The following CEP290 variants were observed in gnomAD, a reference collection of about 807,000 sequenced individuals.
CEP290 encodes the protein centrosomal protein of 290 kDa.
Under a neutral mutation model 344.9 loss-of-function variants are expected in CEP290, and 317 were observed. That is an observed-to-expected ratio of 0.92 (90% CI 0.84 to 1.01). CEP290 has a LOEUF of 1.01. Ranked by LOEUF, CEP290 falls within the 50% of genes least tolerant of loss-of-function variation. The pLI, the probability that CEP290 is intolerant of heterozygous loss-of-function variation, is 0.00. For missense variants in CEP290, 2,754 were observed against 2,761.4 expected (o/e 1.00, Z 0.06); for synonymous variants, 932 against 895.8 (o/e 1.04, Z -0.72).
rs1374014119 is a variant in CEP290, at chr12:88,049,300, C to A, written c.7324G>T (p.Glu2442Ter). 1.3e-6 allele frequency: 2 copies of A among 1,588,894 alleles called. No individual in the cohort carries two copies. The highest frequency in any genetic ancestry group is 8.6e-7 in the Non-Finnish European group (1 of 1,159,176). ...TCTGAAAGTTTTTTTACCTTCTCTTCTAAGAGAATATTCTTCTTCACTTCT... is the reference window on the plus strand; with the variant it reads ...TCTGAAAGTTTTTTTACCTTCTCTTATAAGAGAATATTCTTCTTCACTTCT... ...KEEVKKNILL[E>*]EKVKKLSEQL... Residue 2442 changes from glutamate (E) to a stop codon, truncating the protein, a stop_gained, in exon 54 of 54, where the codon GAA becomes TAA. Transcript: ENST00000552810. LOFTEE classifies it high-confidence loss of function.
At position 88,109,134 on chromosome 12, in the gene CEP290, A is replaced by G; in HGVS notation, c.2415T>C (p.Leu805=). The change falls in exon 23 of 54, where the codon CTT becomes CTC. Residue 805 remains leucine (L), a synonymous_variant. Transcript: ENST00000552810. The part of the protein sequence containing the change: ...EKKLKNLEDS[L]EDYNRKFAVI... ...CAGCAAATTTTCTGTTGTAATCTTC[A>G]AGAGAATCTTCTAAATTCTTTAACT... The G allele has an allele frequency of 6.8e-7, 1 of 1,465,538 alleles. No homozygotes were observed. The allele number at this position is 1,465,538 out of a possible 1,614,324, so 90.8% of individuals were successfully genotyped here. A position where few individuals can be genotyped will look rare whatever the true frequency, so the allele number is the denominator to read the frequency against.
chr12:88,097,749 T>C (rs138352938), intron 26 of CEP290, among the ~76,000 whole-genome samples: 2 of 152,132 alleles, frequency 1.3e-5, no homozygotes, highest in East Asian at 3.9e-4. Context: ...TGTACATTCA[T>C]TTTGGCCAAA....
Position 88,114,457 on chromosome 12 carries a change from G to A in CEP290, c.2015C>T (p.Thr672Ile), listed in dbSNP as rs1478321639. 1 of 1,547,016 alleles carries A rather than the reference G, an allele frequency of 6.5e-7. No homozygotes were observed. Among genetic ancestry groups the A allele is most frequent in the Non-Finnish European group, 8.7e-7 (1 of 1,145,288 alleles). ...TTCAAGGCTAGGGATAATTAGAGAT[G>A]TTTCTCCTCCTTTAACATCAGGATC... Reference protein sequence around the residue: ...QKDPDVKGGETSLIIPSLERL... With the variant: ...QKDPDVKGGEISLIIPSLERL... The change falls in exon 20 of 54, where the codon ACA becomes ATA. Residue 672 changes from threonine to isoleucine, a missense_variant. Thr to Ile is a moderately conservative substitution (Grantham distance 89). Coordinates refer to ENST00000552810, the MANE Select transcript of CEP290 (RefSeq NM_025114.4).
At position 88,070,323 on chromosome 12, in the gene CEP290, C is replaced by G. The variant is rs369426456; in HGVS notation, c.6011+971G>C. Among the ~76,000 whole-genome samples, 12 of 152,254 alleles carry G rather than the reference C, an allele frequency of 7.9e-5. No homozygotes were observed. The South Asian group carries it at 1.5e-3, about 18-fold the overall frequency. On this transcript the variant is annotated intron_variant, in intron 43 of 53. Transcript: ENST00000552810. The stretch of plus-strand genomic sequence containing the variant: ...TGATGAATTTACCTTTTCTTTTATT[C>G]TGTTACTGCCTGCCCTGAAGACAAC...
chr12:88,106,786 G>T lies in CEP290; in HGVS notation c.2706C>A (p.Thr902=). The T allele has an allele frequency of 6.2e-7, 1 of 1,609,738 alleles. No homozygotes were observed. Among genetic ancestry groups the T allele is most frequent in the African/African-American group, 1.3e-5 (1 of 74,904 alleles). ...NEKSLIRQYT[T]LVELERQLRK... ...TAAGTTGTCGCTCCAATTCTACTAA[G>T]GTTGTATATTGCCTTATAAGTGATT... Residue 902 remains threonine, a synonymous_variant, in exon 25 of 54, where the codon ACC becomes ACA. Transcript: ENST00000552810.
At chr12:88,074,882 T>G (rs1347435411) in intron 41 of CEP290, among the ~76,000 whole-genome samples, 1 of 152,194 alleles carries the variant, frequency 6.6e-6, no homozygotes, top group East Asian at 1.9e-4. Flanking sequence ...TCCACACCCC[T>G]TCCCCCATAT....
At chr12:88,115,549 A>G (rs2038988363) in intron 18 of CEP290, 2 of 1,291,748 alleles carry the variant, frequency 1.5e-6, no homozygotes, top group African/African-American at 3.0e-5. Flanking sequence ...TTGATCAAGA[A>G]TTCCTGTGCT....
At chr12:88,109,549 A>G (rs2038531166) in intron 22 of CEP290, among the ~76,000 whole-genome samples, 1 of 152,180 alleles carries the variant, frequency 6.6e-6, no homozygotes, top group African/African-American at 2.4e-5. Flanking sequence ...TGAAATTGAA[A>G]TTTAAATAAC....
At chr12:88,073,762 T>C (rs1226736096) in intron 41 of CEP290, among the ~76,000 whole-genome samples, 3 of 152,054 alleles carry the variant, frequency 2.0e-5, no homozygotes, top group Middle Eastern at 3.4e-3. Flanking sequence ...TAAGACGTCA[T>C]CTCAAAAAAT....
At chr12:88,060,648 A>G (rs2034406662) in intron 47 of CEP290, among the ~76,000 whole-genome samples, 182 bp downstream of exon 47, 1 of 152,096 alleles carries the variant, frequency 6.6e-6, no homozygotes, top group Non-Finnish European at 1.5e-5. Flanking sequence ...AACAAGAAAG[A>G]TCAGGTAGAC....
At chr12:88,120,939 G>T in intron 14 of CEP290, 58 bp downstream of exon 14, 1 of 1,419,776 alleles carries the variant, frequency 7.0e-7, no homozygotes, top group Non-Finnish European at 9.7e-7. Flanking sequence ...GCACAGAATA[G>T]TCTGTGAATG....
Position 88,120,202 on chromosome 12 carries a change from C to A in CEP290, c.1434G>T (p.Glu478Asp). ...CKNQIKIRDR[E>D]IEILTKEINK... is the part of the protein sequence containing the mutation. ...TGATTTCCTTTGTTAATATTTCAAT[C>A]TCTCGATCTCTTATTTTAATTTGGT... Residue 478 changes from glutamate (E) to aspartate (D), a missense_variant, in exon 15 of 54, where the codon GAG (glutamate) becomes GAT (aspartate). Glu to Asp is a conservative substitution (Grantham distance 45, BLOSUM62 2). Transcript: ENST00000552810. 1.3e-6 allele frequency: 2 copies of A among 1,513,794 alleles called. No homozygotes were observed. The highest frequency in any genetic ancestry group is 1.3e-5 in the South Asian group (1 of 76,570). 93.8% of individuals were successfully genotyped at this position (1,513,794 alleles called of 1,614,324 possible).
intron 34 of CEP290, among the ~76,000 whole-genome samples, chr12:88,085,109 C>T (rs1339793129): frequency 6.6e-6 from 1 of 151,908 alleles, no homozygotes; most frequent in African/African-American, 2.4e-5. Flanking sequence ...AATTAAGGTA[C>T]TTTATTGAGA....
chr12:88,052,005 G>A (rs2033590771), intron 52 of CEP290, among the ~76,000 whole-genome samples: 2 of 152,144 alleles, frequency 1.3e-5, no homozygotes, highest in African/African-American at 4.8e-5. Context: ...CTGGCTTAGG[G>A]AATGGTTACT....
At chr12:88,050,659 A>T (rs1232640303) in intron 52 of CEP290, among the ~76,000 whole-genome samples, 3 of 152,202 alleles carry the variant, frequency 2.0e-5, no homozygotes, top group Non-Finnish European at 4.4e-5. Flanking sequence ...GCTAGGTATT[A>T]GAAGTGTAGG....
At chr12:88,084,960 C>A in intron 34 of CEP290, 108 bp from the exon 35 acceptor site, 1 of 839,362 alleles carries the variant, frequency 1.2e-6, no homozygotes, top group Non-Finnish European at 1.8e-6. Flanking sequence ...CTTTATTTTT[C>A]ACATCATATG....
At chr12:88,119,698 C>G (rs2039285575) in intron 15 of CEP290, among the ~76,000 whole-genome samples, 1 of 152,018 alleles carries the variant, frequency 6.6e-6, no homozygotes, top group African/African-American at 2.4e-5. Flanking sequence ...ACTCAGGAGG[C>G]AGAGGCAGGA....
intron 27 of CEP290, among the ~76,000 whole-genome samples, chr12:88,094,858 G>T (rs146682673): frequency 6.6e-6 from 1 of 151,948 alleles, no homozygotes; most frequent in African/African-American, 2.4e-5. Context: ...GCCCCCTCCT[G>T]TTTTTCCAGC....
Position 88,049,402 on chromosome 12 carries a change from T to G in CEP290, c.7222A>C (p.Lys2408Gln), listed in dbSNP as rs750921465. ...AAATTTTCCAGTTCTTTTTTCAGCT[T>G]CTTTATTTCCTCCTAATGGAAACAT... ...EKQHLKEEIK[K>Q]LKKELENFDP... The change falls in exon 54 of 54, where the codon AAG (lysine) becomes CAG (glutamine). Residue 2408 changes from lysine (K) to glutamine (Q), a missense_variant. Coordinates refer to ENST00000552810, the MANE Select transcript of CEP290 (RefSeq NM_025114.4). 13 of 1,459,840 alleles carry G rather than the reference T, an allele frequency of 8.9e-6. No individual in the cohort carries two copies. The highest frequency in any genetic ancestry group is 2.3e-5 in the East Asian group (1 of 43,088). 90.4% of individuals were successfully genotyped at this position (1,459,840 alleles called of 1,614,324 possible). A position where few individuals can be genotyped will look rare whatever the true frequency, so the allele number is the denominator to read the frequency against.
Sources: gnomAD v4.1 joint callset for allele counts (sites outside exome capture counted in the v4.1 genomes callset) on GRCh38, gnomAD v4.1.1 for gene constraint, MANE v1.5 for transcripts, NCBI Gene and HGNC (gene_info 2026-07-23, HGNC 2026-07-21) for gene names.